Variants in AXDND1 observed in about 807,000 individuals in gnomAD.
The protein encoded by AXDND1 is axonemal dynein light chain domain-containing protein 1.
Under a neutral mutation model 137.5 loss-of-function variants are expected in AXDND1, and 110 were observed. That is an observed-to-expected ratio of 0.80 (90% confidence interval 0.69 to 0.94). The LOEUF (loss-of-function observed/expected upper bound fraction) is 0.94, where lower values mean the gene tolerates loss of function less well. AXDND1 is among the 40% of genes least tolerant of loss of function. The probability of loss-of-function intolerance (pLI) is 0.00; values close to 1 mark genes in which losing one functional copy is unlikely to be tolerated. For synonymous variants in AXDND1, 414 were observed against 399.7 expected, an observed-to-expected ratio of 1.04 and a Z score of -0.43; for missense variants, 1,191 against 1,169.8, an observed-to-expected ratio of 1.02 and a Z score of -0.26.
chr1:179,492,970 C>G lies in AXDND1; in HGVS notation c.2388+19C>G. 2 of 1,518,904 alleles carry G rather than the reference C, an allele frequency of 1.3e-6. No homozygotes were observed. The highest frequency in any genetic ancestry group is 1.8e-6 in the Non-Finnish European group (2 of 1,119,312). The allele number at this position is 1,518,904 out of a possible 1,614,324, so 94.1% of individuals were successfully genotyped here. On this transcript the variant is annotated intron_variant, in intron 20 of 25. Coordinates refer to ENST00000367618, the MANE Select transcript of AXDND1 (RefSeq NM_144696.6). ...GTTGAAGGTAATAACTCTGTCTTCC[C>G]CTTAGTTTTGTTTTTGTTTTGTTTG... is the stretch of plus-strand genomic sequence containing the variant.
At chr1:179,395,045 A>G (rs909497875) in intron 10 of AXDND1, 53 bp from the exon 11 acceptor site, 7 of 1,494,478 alleles carry the variant, frequency 4.7e-6, no homozygotes, top group East Asian at 2.3e-5. Context: ...TCTTGGTAGA[A>G]ACTTTTTGGA....
At chr1:179,435,992 GA>G (rs909314054) in intron 15 of AXDND1, among the ~76,000 whole-genome samples, 3 of 148,776 alleles carry the variant, frequency 2.0e-5, no homozygotes, top group African/African-American at 4.9e-5. Flanking sequence ...AAATTTACAA[GA>G]AAAAAAAATG....
chr1:179,481,391 C>T (rs1325991536), intron 17 of AXDND1, among the ~76,000 whole-genome samples: 2 of 152,256 alleles, frequency 1.3e-5, no homozygotes, highest in East Asian at 3.9e-4. Context: ...CATTGTTGGA[C>T]ATTTGGGTTG....
chr1:179,520,817 T>C (rs1454791851), intron 21 of AXDND1, among the ~76,000 whole-genome samples: 1 of 150,038 alleles, frequency 6.7e-6, no homozygotes, highest in Non-Finnish European at 1.5e-5. Flanking sequence ...CTATTTTAAA[T>C]GAGACATTCT....
rs569814636 is a variant in AXDND1 at position 179,374,456 on chromosome 1, C to T, written c.375-4181C>T. 1.1e-4 allele frequency among the ~76,000 whole-genome samples: 17 copies of T among 152,188 alleles called. No homozygotes were observed. In the South Asian group the frequency reaches 2.7e-3, roughly 24 times the overall value. ...TCTAGAACTAGAAATACCACTTGAC[C>T]CAGCAATCCCATTACTGAGTATATA... On this transcript the variant is annotated intron_variant, in intron 4 of 25. Transcript: ENST00000367618.
At chr1:179,511,248 A>G (rs1278413158) in intron 21 of AXDND1, among the ~76,000 whole-genome samples, 1 of 151,744 alleles carries the variant, frequency 6.6e-6, no homozygotes, top group East Asian at 1.9e-4. Context: ...GCTGAGTAGC[A>G]TTCCATCATA....
intron 16 of AXDND1, among the ~76,000 whole-genome samples, chr1:179,465,394 C>T (rs1348111718): frequency 2.6e-5 from 4 of 152,216 alleles, no homozygotes; most frequent in South Asian, 4.1e-4. Context: ...CCACTCCAGA[C>T]CCTGTTTGCC....
intron 12 of AXDND1, among the ~76,000 whole-genome samples, chr1:179,413,610 G>A (rs1159303027): frequency 6.6e-6 from 1 of 152,058 alleles, no homozygotes; most frequent in African/African-American, 2.4e-5. Context: ...AATATTCCAT[G>A]GTATATACCA....
chr1:179,418,638 C>G (rs1409038437), intron 12 of AXDND1, among the ~76,000 whole-genome samples: 1 of 150,026 alleles, frequency 6.7e-6, no homozygotes, highest in Non-Finnish European at 1.5e-5. Context: ...GCACCTCCCT[C>G]CCGGACGGGG....
intron 25 of AXDND1, among the ~76,000 whole-genome samples, chr1:179,549,534 G>A (rs967555569): frequency 3.3e-5 from 5 of 152,072 alleles, no homozygotes; most frequent in Admixed American, 1.3e-4. Flanking sequence ...AAAAACCAGT[G>A]TTATAAGGAA....
At position 179,441,369 on chromosome 1, in the gene AXDND1, T is replaced by A. The variant is rs950690314; in HGVS notation, c.1564-3601T>A. On this transcript the variant is annotated intron_variant, in intron 15 of 25. Coordinates refer to ENST00000367618, the MANE Select transcript of AXDND1 (RefSeq NM_144696.6). ...ATTTTAGGGCTTGACCTTTGGCTCCTTTTAGATTTGTCAACTGCCAAATTA... is the reference window on the plus strand; with the variant it reads ...ATTTTAGGGCTTGACCTTTGGCTCCATTTAGATTTGTCAACTGCCAAATTA... Among the ~76,000 whole-genome samples, 7 of 152,350 alleles carry A rather than the reference T, an allele frequency of 4.6e-5. No homozygotes were observed. In the East Asian group the frequency reaches 1.4e-3, roughly 29 times the overall value.
Position 179,445,207 on chromosome 1 carries a change from A to G in AXDND1, c.1798+3A>G, listed in dbSNP as rs1265663626. The G allele has an allele frequency of 3.4e-6, 5 of 1,491,482 alleles. No homozygotes were observed. The highest frequency in any genetic ancestry group is 4.6e-6 in the Non-Finnish European group (5 of 1,092,540). The allele number at this position is 1,491,482 out of a possible 1,614,324, so 92.4% of individuals were successfully genotyped here. A position where few individuals can be genotyped will look rare whatever the true frequency, so the allele number is the denominator to read the frequency against. ...AATAAGAATAAATGGGGACAATGGTAAGAAAATACTCATAATAATTAGATT... is the reference window on the plus strand; with the variant it reads ...AATAAGAATAAATGGGGACAATGGTGAGAAAATACTCATAATAATTAGATT... On this transcript the variant is annotated splice_donor_region_variant and intron_variant, in intron 16 of 25. Coordinates refer to ENST00000367618, the MANE Select transcript of AXDND1 (RefSeq NM_144696.6).
intron 12 of AXDND1, among the ~76,000 whole-genome samples, chr1:179,411,646 A>T (rs1168213447): frequency 6.7e-6 from 1 of 149,294 alleles, no homozygotes; most frequent in Non-Finnish European, 1.5e-5. Flanking sequence ...TTTGTTGGGC[A>T]CATAGCTATT....
At chr1:179,490,762 GTTT>G (rs34944088) in intron 18 of AXDND1, among the ~76,000 whole-genome samples, 1 of 146,640 alleles carries the variant, frequency 6.8e-6, no homozygotes, top group African/African-American at 2.5e-5. Flanking sequence ...CACAGTACTT[GTTT>G]TTTTTTTTTT....
At chr1:179,432,942 G>T (rs898482652) in intron 15 of AXDND1, among the ~76,000 whole-genome samples, 4 of 151,928 alleles carry the variant, frequency 2.6e-5, no homozygotes, top group African/African-American at 9.7e-5. Context: ...TGAACAACAA[G>T]GAAAAAAGCA....
At chr1:179,507,778 TA>T (rs5779029) in intron 20 of AXDND1, among the ~76,000 whole-genome samples, 98,884 of 149,770 alleles carry the variant, frequency 0.66, 33,596 homozygotes, top group South Asian at 0.81. Flanking sequence ...ACAGCTTCAT[TA>T]AAAAAAAAAA....
chr1:179,457,245 A>G, intron 16 of AXDND1: 1 of 707,612 alleles, frequency 1.4e-6, no homozygotes, highest in Admixed American at 2.0e-5. Context: ...ATGGCTTCTC[A>G]GGCTCTCGTT....
chr1:179,489,338 ATCTC>A (rs1309224386), intron 18 of AXDND1, among the ~76,000 whole-genome samples: 2 of 152,144 alleles, frequency 1.3e-5, no homozygotes, highest in South Asian at 2.1e-4. Flanking sequence ...CTACCATTTA[ATCTC>A]TCTAATATAA....
At chr1:179,535,302 C>A (rs988551636) in intron 25 of AXDND1, among the ~76,000 whole-genome samples, 3 of 151,912 alleles carry the variant, frequency 2.0e-5, no homozygotes, top group Admixed American at 1.3e-4. Context: ...TATACATGTG[C>A]CATGTTGGTG....
Sources: gnomAD v4.1 joint callset for allele counts (sites outside exome capture counted in the v4.1 genomes callset) on GRCh38, gnomAD v4.1.1 for gene constraint, MANE v1.5 for transcripts, NCBI Gene and HGNC (gene_info 2026-07-23, HGNC 2026-07-21) for gene names.